Variants in MAGI3 observed in about 807,000 individuals in gnomAD.
The protein encoded by MAGI3 is membrane-associated guanylate kinase, WW and PDZ domain-containing protein 3.
Under a neutral mutation model 121.8 loss-of-function variants are expected in MAGI3, and 43 were observed. The observed-to-expected ratio is 0.35, with a 90% CI of 0.28 to 0.46. The LOEUF (loss-of-function observed/expected upper bound fraction) is 0.46. Ranked by LOEUF, MAGI3 falls within the 20% of genes least tolerant of loss-of-function variation. The pLI is 1.00. For missense variants in MAGI3, 1,547 were observed against 1,797.3 expected (o/e 0.86, Z 2.52); for synonymous variants, 553 against 639.3 (o/e 0.86, Z 2.04).
chr1:113,409,462 G>A (rs559428526), intron 1 of MAGI3, among the ~76,000 whole-genome samples: 9 of 152,062 alleles, frequency 5.9e-5, no homozygotes, highest in African/African-American at 1.9e-4. Context: ...GGGCAACATG[G>A]TGAGACCCTG....
At chr1:113,603,221 A>C (rs1446034261) in intron 6 of MAGI3, among the ~76,000 whole-genome samples, 1 of 152,198 alleles carries the variant, frequency 6.6e-6, no homozygotes, top group African/African-American at 2.4e-5. Flanking sequence ...GAAACTGTGC[A>C]CACAAAGTAG....
chr1:113,542,163 A>C (rs1659320429), intron 1 of MAGI3, among the ~76,000 whole-genome samples: 1 of 152,158 alleles, frequency 6.6e-6, no homozygotes, highest in Non-Finnish European at 1.5e-5. Context: ...TGGATGCCGG[A>C]AACCATGGAT....
rs939888083 is a variant in MAGI3, at chr1:113,614,622, A to C, written c.1040A>C (p.Lys347Thr). 1.9e-6 allele frequency: 3 copies of C among 1,609,762 alleles called. No individual in the cohort carries two copies. The African/African-American group carries it at 4.0e-5, about 22-fold the overall frequency. The change falls in exon 7 of 21, where the codon AAA becomes ACA. Residue 347 changes from lysine to threonine, a missense_variant. Lys to Thr is a moderately conservative substitution (Grantham distance 78). Transcript: ENST00000307546. ...EDGELPYGWE[K>T]IEDPQYGTYY... ...ACAGAGCTTCCTTATGGCTGGGAGA[A>C]AATAGAGGACCCTCAGTATGGGACA... is the stretch of plus-strand genomic sequence containing the variant.
intron 1 of MAGI3, among the ~76,000 whole-genome samples, chr1:113,495,205 G>T (rs1290745014): frequency 6.6e-6 from 1 of 152,024 alleles, no homozygotes; most frequent in Non-Finnish European, 1.5e-5. Flanking sequence ...AATCATAGAG[G>T]ATCTAATTTT....
chr1:113,644,666 C>A (rs987132012), intron 11 of MAGI3, among the ~76,000 whole-genome samples: 3 of 152,188 alleles, frequency 2.0e-5, no homozygotes, highest in African/African-American at 7.2e-5. Flanking sequence ...ACAGTGTCTT[C>A]TTTGGCATTC....
At chr1:113,409,160 T>C (rs2101325978) in intron 1 of MAGI3, among the ~76,000 whole-genome samples, 1 of 149,646 alleles carries the variant, frequency 6.7e-6, no homozygotes, top group South Asian at 2.1e-4. Flanking sequence ...TAAAAAAGGA[T>C]CTGTTCTTTT....
chr1:113,482,552 G>T (rs988085070), intron 1 of MAGI3, among the ~76,000 whole-genome samples: 18 of 151,370 alleles, frequency 1.2e-4, no homozygotes, highest in African/African-American at 4.1e-4. Context: ...GCCCAGGCTG[G>T]TGTTGAACTC....
intron 1 of MAGI3, among the ~76,000 whole-genome samples, chr1:113,496,111 T>C (rs947423523): frequency 6.6e-6 from 1 of 152,230 alleles, no homozygotes; most frequent in African/African-American, 2.4e-5. Flanking sequence ...ATAAAGGAAC[T>C]GTGCTTTAAT....
In MAGI3 at chr1:113,658,347, A is replaced by AC. The variant is rs1653591033; in HGVS notation, c.2630-732dup. On this transcript the variant is annotated intron_variant, in intron 15 of 20. Coordinates refer to ENST00000307546, the MANE Select transcript of MAGI3 (RefSeq NM_001142782.2). This position sits in a 1 kb window ranked among gnomAD's most constrained non-coding sequence, Gnocchi z 4.0. ...TAAGCTAGAGATACAGTAGAGCTAC[A>AC]CAGAGCATCTTTGCAATTGTATTAG... Among the ~76,000 whole-genome samples, 1 of 152,264 alleles carries AC rather than the reference A, an allele frequency of 6.6e-6. No homozygotes were observed. Among genetic ancestry groups the AC allele is most frequent in the Admixed American group, 6.5e-5 (1 of 15,288 alleles).
chr1:113,610,194 C>T (rs1225311888), intron 6 of MAGI3, among the ~76,000 whole-genome samples: 2 of 152,024 alleles, frequency 1.3e-5, no homozygotes, highest in African/African-American at 2.4e-5. Flanking sequence ...AGTGCAGTGG[C>T]GCGATCTCGG....
At chr1:113,507,868 C>T (rs1221311374) in intron 1 of MAGI3, among the ~76,000 whole-genome samples, 1 of 152,022 alleles carries the variant, frequency 6.6e-6, no homozygotes, top group Non-Finnish European at 1.5e-5. Context: ...GATTAGACAC[C>T]CCAGTGGAAA....
At chr1:113,673,496 T>G in intron 19 of MAGI3, 31 bp downstream of exon 19, 1 of 1,605,348 alleles carries the variant, frequency 6.2e-7, no homozygotes, top group Non-Finnish European at 8.5e-7. Flanking sequence ...AACCTTAGGT[T>G]CAGGCTCTAG....
chr1:113,643,647 TA>T, intron 10 of MAGI3, 95 bp from the exon 11 acceptor site: 1 of 1,152,384 alleles, frequency 8.7e-7, no homozygotes, highest in Non-Finnish European at 1.3e-6. Context: ...ACTAGCGTAC[TA>T]AAAGTTGAAG....
intron 9 of MAGI3, among the ~76,000 whole-genome samples, chr1:113,638,330 TC>T (rs1652183995): frequency 6.6e-6 from 1 of 152,244 alleles, no homozygotes; most frequent in Non-Finnish European, 1.5e-5. Flanking sequence ...TTCCAGTTTT[TC>T]TGCTCTGTTC....
At chr1:113,550,391 G>C in intron 2 of MAGI3, among the ~76,000 whole-genome samples, 1 of 151,980 alleles carries the variant, frequency 6.6e-6, no homozygotes, top group Non-Finnish European at 1.5e-5. Flanking sequence ...AGTCCGGCCT[G>C]GGTGAAAGAG....
intron 1 of MAGI3, among the ~76,000 whole-genome samples, chr1:113,541,184 G>A (rs969241806): frequency 6.6e-6 from 1 of 152,236 alleles, no homozygotes; most frequent in Non-Finnish European, 1.5e-5. Context: ...TCAAATGCCA[G>A]TGATATGTAG....
chr1:113,638,832 A>G (rs1201645204), intron 9 of MAGI3, among the ~76,000 whole-genome samples: 1 of 152,250 alleles, frequency 6.6e-6, no homozygotes, highest in Non-Finnish European at 1.5e-5. Flanking sequence ...CCCCGCCCCC[A>G]GAGGTGGAGC....
At chr1:113,457,598 G>A (rs1654821734) in intron 1 of MAGI3, among the ~76,000 whole-genome samples, 1 of 151,936 alleles carries the variant, frequency 6.6e-6, no homozygotes, top group Admixed American at 6.6e-5. Flanking sequence ...CCTTTTAAGT[G>A]CTAGTTCCTG....
At chr1:113,665,225 A>G (rs1314429897) in intron 16 of MAGI3, among the ~76,000 whole-genome samples, 1 of 152,084 alleles carries the variant, frequency 6.6e-6, no homozygotes, top group African/African-American at 2.4e-5. Context: ...AGATTTCCCA[A>G]CACCAGCTAT....
Sources: gnomAD v4.1 joint callset for allele counts (sites outside exome capture counted in the v4.1 genomes callset) on GRCh38, gnomAD v4.1.1 for gene constraint, Gnocchi (gnomAD v3.1) non-coding constraint, MANE v1.5 for transcripts, NCBI Gene and HGNC (gene_info 2026-07-23, HGNC 2026-07-21) for gene names.